Variants in BNC2 observed in about 807,000 individuals in gnomAD.
The protein encoded by BNC2 is zinc finger protein basonuclin-2.
Under a neutral mutation model 76.3 loss-of-function variants are expected in BNC2, and 20 were observed. The observed-to-expected ratio is 0.26, with a 90% CI of 0.18 to 0.38. BNC2 has a LOEUF of 0.38. Ranked by LOEUF, BNC2 falls within the 10% of genes least tolerant of loss-of-function variation. BNC2 has a pLI of 1.00. For synonymous variants in BNC2, 582 were observed against 514.8 expected (o/e 1.13, Z -1.77); for missense variants, 1,382 against 1,399.8 (o/e 0.99, Z 0.20).
At chr9:16,434,694 G>C (rs1258004090) in intron 6 of BNC2, among the ~76,000 whole-genome samples, 1 of 152,100 alleles carries the variant, frequency 6.6e-6, no homozygotes, top group Non-Finnish European at 1.5e-5. Context: ...AACCTTGTAG[G>C]TTTAGGACCA....
intron 5 of BNC2, among the ~76,000 whole-genome samples, chr9:16,472,665 T>C (rs764364522): frequency 6.6e-6 from 1 of 152,148 alleles, no homozygotes; most frequent in African/African-American, 2.4e-5. Context: ...TCTTTTTACA[T>C]CTCTTAGAGG....
chr9:16,748,523 A>G (rs904780855), intron 1 of BNC2, among the ~76,000 whole-genome samples: 4 of 151,296 alleles, frequency 2.6e-5, no homozygotes, highest in Non-Finnish European at 5.9e-5. Flanking sequence ...TAAACATTTA[A>G]AAAGAAGGAA....
chr9:16,507,792 G>C (rs559619409), intron 5 of BNC2, among the ~76,000 whole-genome samples: 1 of 152,086 alleles, frequency 6.6e-6, no homozygotes, highest in Non-Finnish European at 1.5e-5. Flanking sequence ...TAAACACTTA[G>C]TAATAAATAA....
At chr9:16,811,647 A>C (rs1048097335) in intron 1 of BNC2, among the ~76,000 whole-genome samples, 3 of 152,122 alleles carry the variant, frequency 2.0e-5, no homozygotes, top group African/African-American at 4.8e-5. Flanking sequence ...ATGTAAACAG[A>C]AATGAGGCAG....
At chr9:16,548,816 A>C (rs2132483895) in intron 5 of BNC2, among the ~76,000 whole-genome samples, 1 of 152,332 alleles carries the variant, frequency 6.6e-6, no homozygotes, top group African/African-American at 2.4e-5. Flanking sequence ...TTAAAAGCTA[A>C]CTTTCTGTAC....
chr9:16,805,024 T>A (rs1347539180), intron 1 of BNC2, among the ~76,000 whole-genome samples: 1 of 151,948 alleles, frequency 6.6e-6, no homozygotes, highest in African/African-American at 2.4e-5. Flanking sequence ...ACCACGCCAT[T>A]GCACTCCAGC....
chr9:16,815,153 G>A, intron 1 of BNC2, among the ~76,000 whole-genome samples: 1 of 152,112 alleles, frequency 6.6e-6, no homozygotes, highest in Non-Finnish European at 1.5e-5. Context: ...GTAGAATAAA[G>A]CACTCCAAAA....
chr9:16,701,709 A>AC (rs1823518512), intron 3 of BNC2, among the ~76,000 whole-genome samples: 1 of 152,070 alleles, frequency 6.6e-6, no homozygotes, highest in Non-Finnish European at 1.5e-5. Context: ...TGGAAGGCTG[A>AC]GGGGGGCAGA....
At chr9:16,814,662 A>AT (rs1252461932) in intron 1 of BNC2, among the ~76,000 whole-genome samples, 2 of 152,216 alleles carry the variant, frequency 1.3e-5, no homozygotes, top group Non-Finnish European at 2.9e-5. Flanking sequence ...GAGATAACAG[A>AT]TATCAGCTAG....
chr9:16,414,507 C>T lies in BNC2; in HGVS notation c.*4482G>A, dbSNP rs1000455976. On this transcript the variant is annotated 3_prime_UTR_variant, in exon 7 of 7. Transcript: ENST00000380672. ...ATAAGTGATTTTAAAGAATGAAATT[C>T]GTTTGTCATAATTTTAAAAAAGAAG... The T allele has an allele frequency of 2.6e-5, 4 of 152,072 alleles. No individual in the cohort carries two copies. Among genetic ancestry groups the T allele is most frequent in the Admixed American group, 1.3e-4 (2 of 15,270 alleles). The allele number at this position is 152,072 out of a possible 1,614,324, so 9.4% of individuals were successfully genotyped here.
At chr9:16,778,132 A>G (rs1826019917) in intron 1 of BNC2, among the ~76,000 whole-genome samples, 1 of 152,158 alleles carries the variant, frequency 6.6e-6, no homozygotes, top group South Asian at 2.1e-4. Flanking sequence ...GCATTTTCCT[A>G]TTTTATAAAT....
In BNC2 at chr9:16,412,325, A is replaced by G. The variant is rs1820478870; in HGVS notation, c.*6664T>C. ...CTACGTCCATGGTTTGATGCCAAGGATAAGAAAAAAAAATGACCACTGTGC... is the reference window on the plus strand; with the variant it reads ...CTACGTCCATGGTTTGATGCCAAGGGTAAGAAAAAAAAATGACCACTGTGC... On this transcript the variant is annotated 3_prime_UTR_variant, in exon 7 of 7. Coordinates refer to ENST00000380672, the MANE Select transcript of BNC2 (RefSeq NM_017637.6). 1 of 152,604 alleles carries G rather than the reference A, an allele frequency of 6.6e-6. No homozygotes were observed. Among genetic ancestry groups the G allele is most frequent in the African/African-American group, 2.4e-5 (1 of 41,438 alleles). The allele number at this position is 152,604 out of a possible 1,614,324, so 9.5% of individuals were successfully genotyped here.
chr9:16,762,627 G>A (rs1429916209), intron 1 of BNC2, among the ~76,000 whole-genome samples: 1 of 152,138 alleles, frequency 6.6e-6, no homozygotes, highest in Non-Finnish European at 1.5e-5. Flanking sequence ...TCATTTTTGT[G>A]TTCCTGGTTT....
At chr9:16,709,046 AG>A (rs1823760266) in intron 3 of BNC2, among the ~76,000 whole-genome samples, 2 of 152,288 alleles carry the variant, frequency 1.3e-5, no homozygotes, top group South Asian at 4.1e-4. Flanking sequence ...ACGCAAAGGG[AG>A]GCAGCTTCGG....
At chr9:16,682,021 T>C (rs1183823660) in intron 3 of BNC2, among the ~76,000 whole-genome samples, 2 of 151,868 alleles carry the variant, frequency 1.3e-5, no homozygotes, top group Non-Finnish European at 1.5e-5. Flanking sequence ...AGGTCATCTA[T>C]TTGGAACAGA....
At chr9:16,446,122 C>T (rs1406870245) in intron 5 of BNC2, among the ~76,000 whole-genome samples, 1 of 152,096 alleles carries the variant, frequency 6.6e-6, no homozygotes, top group East Asian at 1.9e-4. Flanking sequence ...AAAGGAGTTA[C>T]TCATTACACA....
chr9:16,514,247 G>T (rs568618674), intron 5 of BNC2, among the ~76,000 whole-genome samples: 9 of 152,306 alleles, frequency 5.9e-5, no homozygotes, highest in African/African-American at 2.2e-4. Flanking sequence ...CAGCCTGAGA[G>T]TTACTAGGTT....
chr9:16,638,899 CAAT>C (rs1821406366), intron 3 of BNC2, among the ~76,000 whole-genome samples: 1 of 151,904 alleles, frequency 6.6e-6, no homozygotes, highest in African/African-American at 2.4e-5. Context: ...CATCTAAACA[CAAT>C]GATAATATAA....
intron 1 of BNC2, among the ~76,000 whole-genome samples, chr9:16,845,562 A>G (rs1818954442): frequency 6.6e-6 from 1 of 151,828 alleles, no homozygotes; most frequent in South Asian, 2.1e-4. Flanking sequence ...TCTACTAAAA[A>G]TACAAAAAAT....
Sources: allele counts gnomAD v4.1 joint callset (sites outside exome capture counted in the v4.1 genomes callset), GRCh38; gene constraint gnomAD v4.1.1; transcripts MANE v1.5; gene names NCBI Gene and HGNC (gene_info 2026-07-23, HGNC 2026-07-21).